Variants in GXYLT2 observed in about 807,000 individuals in gnomAD.
The protein encoded by GXYLT2 is glucoside xylosyltransferase 2, also known as glycosyltransferase 8 domain containing 4.
A neutral mutation model predicts 45.8 loss-of-function variants in GXYLT2; 53 were observed. That is an observed-to-expected ratio of 1.16 (90% CI 0.93 to 1.46). The LOEUF (loss-of-function observed/expected upper bound fraction) is 1.46, where lower values mean the gene tolerates loss of function less well. Among genes scored for constraint, GXYLT2 ranks in the 40% most tolerant of loss-of-function variants. The pLI is 0.00. For synonymous variants in GXYLT2, 219 were observed against 214.2 expected (o/e 1.02, Z -0.19); for missense variants, 551 against 544.4 (o/e 1.01, Z -0.12).
chr3:72,928,432 CCT>C (rs1709958800), intron 3 of GXYLT2, among the ~76,000 whole-genome samples: 1 of 152,162 alleles, frequency 6.6e-6, no homozygotes, highest in Admixed American at 6.5e-5. Context: ...CACAGGGATT[CCT>C]CTCTCTCCAG....
intron 3 of GXYLT2, among the ~76,000 whole-genome samples, chr3:72,932,651 G>A (rs986998973): frequency 9.9e-5 from 15 of 152,194 alleles, no homozygotes; most frequent in Non-Finnish European, 1.8e-4. Flanking sequence ...AAGATATGAA[G>A]GGGAGGGCAA....
intron 2 of GXYLT2, among the ~76,000 whole-genome samples, 163 bp downstream of exon 2, chr3:72,908,722 AC>A (rs1709556691): frequency 1.3e-5 from 2 of 152,136 alleles, no homozygotes; most frequent in Non-Finnish European, 1.5e-5. Flanking sequence ...GGATAATTAT[AC>A]CTACCTCATA....
intron 3 of GXYLT2, among the ~76,000 whole-genome samples, chr3:72,932,485 T>C (rs1342041513): frequency 6.6e-6 from 1 of 152,222 alleles, no homozygotes; most frequent in Non-Finnish European, 1.5e-5. Flanking sequence ...AAGTCATGCT[T>C]ATTTCTGAAC....
intron 6 of GXYLT2, among the ~76,000 whole-genome samples, chr3:72,973,467 G>A (rs1434476342): frequency 1.3e-5 from 2 of 152,142 alleles, no homozygotes; most frequent in South Asian, 4.1e-4. Flanking sequence ...TAATGGCAGT[G>A]GAAAGCCCCT....
At chr3:72,915,971 C>G (rs1475892208) in intron 2 of GXYLT2, among the ~76,000 whole-genome samples, 1 of 151,970 alleles carries the variant, frequency 6.6e-6, no homozygotes, top group East Asian at 1.9e-4. Flanking sequence ...TCCTTGTTGT[C>G]TTACCTTCGT....
rs1575818473 is a variant in GXYLT2, at chr3:72,967,542, A to C, written c.977-5A>C. 1.2e-6 allele frequency: 2 copies of C among 1,612,226 alleles called. No individual in the cohort carries two copies. Among genetic ancestry groups the C allele is most frequent in the Non-Finnish European group, 1.7e-6 (2 of 1,178,702 alleles). On this transcript the variant is annotated splice_polypyrimidine_tract_variant and splice_region_variant and intron_variant, in intron 5 of 6. Coordinates refer to ENST00000389617, the MANE Select transcript of GXYLT2 (RefSeq NM_001080393.2). ...ACATATATGTCTTTCTCTTTTTACCACCAGAGTGTCTCTATGTATTCCCCT... is the reference window on the plus strand; with the variant it reads ...ACATATATGTCTTTCTCTTTTTACCCCCAGAGTGTCTCTATGTATTCCCCT...
intron 1 of GXYLT2, among the ~76,000 whole-genome samples, chr3:72,896,157 G>A (rs1171736426): frequency 1.3e-5 from 2 of 152,300 alleles, no homozygotes; most frequent in South Asian, 2.1e-4. Flanking sequence ...TGAACAAGTC[G>A]GTCCTCAGCA....
In GXYLT2 at chr3:72,975,011, A is replaced by G; in HGVS notation, c.1184A>G (p.Tyr395Cys). Reference protein sequence around the residue: ...PFQDNLFQSMYYPLQLKFLET... With the variant: ...PFQDNLFQSMCYPLQLKFLET... ...CAAGACAATCTCTTTCAATCCATGT[A>G]TTACCCCCTTCAGCTGAAGTTTTTG... The change falls in exon 7 of 7, where the codon TAT becomes TGT. Residue 395 changes from tyrosine (Y) to cysteine (C), a missense_variant. Tyr to Cys is a radical substitution (Grantham distance 194). Coordinates refer to ENST00000389617, the MANE Select transcript of GXYLT2 (RefSeq NM_001080393.2). 6.2e-7 allele frequency: 1 copy of G among 1,608,374 alleles called. No homozygotes were observed.
At chr3:72,920,799 C>CAT (rs377277874) in intron 2 of GXYLT2, among the ~76,000 whole-genome samples, 5,325 of 144,316 alleles carry the variant, frequency 0.037, 202 homozygotes, top group African/African-American at 0.1. Flanking sequence ...AATGTACATG[C>CAT]ATATATATAT....
At position 72,924,192 on chromosome 3, in the gene GXYLT2, C is replaced by CTTT. The variant is rs10635700; in HGVS notation, c.600+1872_600+1874dup. Among the ~76,000 whole-genome samples, 514 of 136,754 alleles carry CTTT rather than the reference C, an allele frequency of 3.8e-3. 5 individuals carry two copies. The highest frequency in any genetic ancestry group is 0.013 in the African/African-American group (483 of 37,140). The allele number at this position is 136,754 out of a possible 152,430, so 89.7% of individuals were successfully genotyped here. ...CCATCTAGAAGTGTCTGGTCTTTGT[C>CTTT]TTTTTTTTTTTTTTTTTAAGAGATA... On this transcript the variant is annotated intron_variant, in intron 3 of 6. Coordinates refer to ENST00000389617, the MANE Select transcript of GXYLT2 (RefSeq NM_001080393.2).
chr3:72,918,245 T>C (rs1418836363), intron 2 of GXYLT2, among the ~76,000 whole-genome samples: 1 of 152,230 alleles, frequency 6.6e-6, no homozygotes, highest in Non-Finnish European at 1.5e-5. Flanking sequence ...CAAACCATTG[T>C]TGGCTTGTGT....
At chr3:72,941,804 A>T (rs1250616190) in intron 3 of GXYLT2, among the ~76,000 whole-genome samples, 1 of 152,200 alleles carries the variant, frequency 6.6e-6, no homozygotes, top group Admixed American at 6.5e-5. Context: ...AAAAATAAGA[A>T]AAAGAAGTAA....
intron 3 of GXYLT2, among the ~76,000 whole-genome samples, chr3:72,933,843 C>T (rs770004041): frequency 6.6e-5 from 10 of 152,000 alleles, no homozygotes; most frequent in Non-Finnish European, 1.5e-4. Context: ...ATCGAGGCTG[C>T]AGATGAGCTG....
intron 3 of GXYLT2, among the ~76,000 whole-genome samples, chr3:72,948,891 G>A (rs993321823): frequency 1.3e-5 from 2 of 151,978 alleles, no homozygotes; most frequent in South Asian, 4.2e-4. Flanking sequence ...TGGATTGGAG[G>A]GGGCAAGTGC....
rs1418821965 is a variant in GXYLT2 at position 72,976,252 on chromosome 3, G to GA, written c.*1100dup. The GA allele has an allele frequency of 6.6e-6, 1 of 151,948 alleles. No individual in the cohort carries two copies. The highest frequency in any genetic ancestry group is 1.5e-5 in the Non-Finnish European group (1 of 67,956). The allele number at this position is 151,948 out of a possible 1,614,324, so 9.4% of individuals were successfully genotyped here. Reference sequence around the variant, plus strand: ...CAGCCAATCTGGGAGTATTTCTAAAGAAAAAAATTACTTTGATTTGTGGAG... The same window carrying GA: ...CAGCCAATCTGGGAGTATTTCTAAAGAAAAAAAATTACTTTGATTTGTGGAG... On this transcript the variant is annotated 3_prime_UTR_variant, in exon 7 of 7. Coordinates refer to ENST00000389617, the MANE Select transcript of GXYLT2 (RefSeq NM_001080393.2).
At chr3:72,915,354 T>TTTTTGGG (rs71126805) in intron 2 of GXYLT2, among the ~76,000 whole-genome samples, 1 of 33,482 alleles carries the variant, frequency 3.0e-5, no homozygotes, top group African/African-American at 1.6e-4. Context: ...TTTTTTTTTT[T>TTTTTGGG]GCGGGGGGGG....
chr3:72,950,967 A>G (rs567950311), intron 3 of GXYLT2, among the ~76,000 whole-genome samples: 1 of 152,246 alleles, frequency 6.6e-6, no homozygotes, highest in South Asian at 2.1e-4. Context: ...ACAGAGTACT[A>G]TTGTGTGCTG....
rs1195901560 is a variant in GXYLT2, at chr3:72,975,883, G to A, written c.*724G>A. 1 of 151,370 alleles carries A rather than the reference G, an allele frequency of 6.6e-6. No individual in the cohort carries two copies. The highest frequency in any genetic ancestry group is 1.9e-4 in the East Asian group (1 of 5,166). The allele number at this position is 151,370 out of a possible 1,614,324, so 9.4% of individuals were successfully genotyped here. A position where few individuals can be genotyped will look rare whatever the true frequency, so the allele number is the denominator to read the frequency against. ...TTCAGATACTTGGGTAGTGTTAAAG[G>A]ATGAAGCATGTATCTGGGGGTATTT... On this transcript the variant is annotated 3_prime_UTR_variant, in exon 7 of 7. Transcript: ENST00000389617.
At chr3:72,911,062 C>T (rs980381435) in intron 2 of GXYLT2, among the ~76,000 whole-genome samples, 2 of 152,066 alleles carry the variant, frequency 1.3e-5, no homozygotes, top group African/African-American at 2.4e-5. Flanking sequence ...GAAGCTGAGG[C>T]GGGCGGATCA....
Sources: allele counts gnomAD v4.1 joint callset (sites outside exome capture counted in the v4.1 genomes callset), GRCh38; gene constraint gnomAD v4.1.1; transcripts MANE v1.5; gene names NCBI Gene and HGNC (gene_info 2026-07-23, HGNC 2026-07-21).